KCNU1: variants seen among roughly 807,000 people sequenced by gnomAD.
KCNU1 encodes potassium calcium-activated channel subfamily U member 1.
In KCNU1, 93 loss-of-function variants were observed where a neutral mutation model predicts 126.8. That is an observed-to-expected ratio of 0.73 (90% CI 0.62 to 0.87). KCNU1 has a LOEUF of 0.87. Ranked by LOEUF, KCNU1 falls within the 40% of genes least tolerant of loss-of-function variation. KCNU1 has a pLI of 0.00. For synonymous variants in KCNU1, 523 were observed against 494.2 expected (o/e 1.06, Z -0.77); for missense variants, 1,330 against 1,367.1 (o/e 0.97, Z 0.43).
chr8:36,787,856 CTAAT>C (rs200606580), intron 2 of KCNU1, among the ~76,000 whole-genome samples: 2 of 146,622 alleles, frequency 1.4e-5, no homozygotes, highest in East Asian at 2.0e-4. Context: ...TATATATTGA[CTAAT>C]TATATATTTA....
Position 36,815,573 on chromosome 8 carries a change from T to TTTATTTTGCTGATCAATTTTAGATA in KCNU1, c.904-16_912dup, listed in dbSNP as rs747421134. ...CCATCAAAATAATGAGAACTAAGGT[T>TTTATTTTGCTGATCAATTTTAGATA]TTATTTTGCTGATCAATTTTAGATA... On this transcript the variant is annotated intron_variant, in intron 8 of 26. Coordinates refer to ENST00000399881, the MANE Select transcript of KCNU1 (RefSeq NM_001031836.3). The TTTATTTTGCTGATCAATTTTAGATA allele has an allele frequency of 2.3e-6, 3 of 1,285,402 alleles. No homozygotes were observed. The African/African-American group carries it at 4.5e-5, about 19-fold the overall frequency. The allele number at this position is 1,285,402 out of a possible 1,614,324, so 79.6% of individuals were successfully genotyped here.
intron 7 of KCNU1, among the ~76,000 whole-genome samples, chr8:36,809,109 A>T (rs1803614574): frequency 6.6e-6 from 1 of 152,188 alleles, no homozygotes; most frequent in South Asian, 2.1e-4. Flanking sequence ...TTAAAAAAAG[A>T]TTAAAAAGTG....
rs920863926 is a variant in KCNU1, at chr8:36,874,099, G to T, written c.2009+9578G>T. Among the ~76,000 whole-genome samples the T allele has an allele frequency of 7.2e-5, 11 of 152,160 alleles. No homozygotes were observed. In the East Asian group the frequency reaches 2.1e-3, roughly 30 times the overall value. On this transcript the variant is annotated intron_variant, in intron 19 of 26. Coordinates refer to ENST00000399881, the MANE Select transcript of KCNU1 (RefSeq NM_001031836.3). ...CCCTAGATCTTTTCTGCTGCCAAAT[G>T]AAAAGGAACAGATATTTTACTTATT... is the stretch of plus-strand genomic sequence containing the variant.
chr8:36,885,066 A>AATAT (rs1806642836), intron 19 of KCNU1, among the ~76,000 whole-genome samples: 1 of 152,220 alleles, frequency 6.6e-6, no homozygotes, highest in Non-Finnish European at 1.5e-5. Flanking sequence ...AACTAGTAGG[A>AATAT]ATATTTACAT....
At chr8:36,880,324 C>G (rs1050757956) in intron 19 of KCNU1, among the ~76,000 whole-genome samples, 4 of 152,124 alleles carry the variant, frequency 2.6e-5, no homozygotes, top group Non-Finnish European at 4.4e-5. Context: ...TGAAAGATGA[C>G]TTACTGTAAA....
At chr8:36,855,744 C>T (rs1805506088) in intron 18 of KCNU1, among the ~76,000 whole-genome samples, 2 of 151,870 alleles carry the variant, frequency 1.3e-5, no homozygotes, top group Admixed American at 1.3e-4. Flanking sequence ...TATCTCGTGT[C>T]CTTCCTCTAC....
In KCNU1 at chr8:36,854,881, A is replaced by G. The variant is rs567899018; in HGVS notation, c.1891+8982A>G. Among the ~76,000 whole-genome samples, 16 of 152,280 alleles carry G rather than the reference A, an allele frequency of 1.1e-4. 4 individuals are homozygous for G. The highest frequency in any genetic ancestry group is 3.8e-4 in the African/African-American group (16 of 41,560). ...CAGATTCTCCAGTAGACTTTCCCAA[A>G]GTCTATCTCTCTGTCATTTGTGGCC... On this transcript the variant is annotated intron_variant, in intron 18 of 26. Coordinates refer to ENST00000399881, the MANE Select transcript of KCNU1 (RefSeq NM_001031836.3).
chr8:36,886,322 T>G (rs545071727), intron 19 of KCNU1, among the ~76,000 whole-genome samples: 1 of 152,198 alleles, frequency 6.6e-6, no homozygotes, highest in Non-Finnish European at 1.5e-5. Flanking sequence ...CATATCCTAT[T>G]GTAAAACAAA....
At chr8:36,890,505 A>G (rs1431153574) in intron 19 of KCNU1, among the ~76,000 whole-genome samples, 8 of 152,008 alleles carry the variant, frequency 5.3e-5, no homozygotes, top group African/African-American at 1.9e-4. Flanking sequence ...TTAAAAAAAT[A>G]TATATAAGTG....
chr8:36,865,487 T>C (rs529522757), intron 19 of KCNU1, among the ~76,000 whole-genome samples: 2 of 151,932 alleles, frequency 1.3e-5, no homozygotes, highest in African/African-American at 4.8e-5. Flanking sequence ...GGGATAGGGC[T>C]GGGCATAGCA....
At chr8:36,799,587 T>C (rs909559329) in intron 2 of KCNU1, among the ~76,000 whole-genome samples, 2 of 151,910 alleles carry the variant, frequency 1.3e-5, no homozygotes, top group Admixed American at 6.6e-5. Flanking sequence ...CAGGCTGGAG[T>C]GCAGTGGTGC....
chr8:36,928,758 G>A (rs1808606891), intron 24 of KCNU1: 1 of 462,068 alleles, frequency 2.2e-6, no homozygotes, highest in East Asian at 3.6e-5. Flanking sequence ...GAGGATATGA[G>A]TCTTATGCAG....
chr8:36,921,659 G>A (rs796501471), intron 23 of KCNU1, among the ~76,000 whole-genome samples: 7 of 97,730 alleles, frequency 7.2e-5, no homozygotes, highest in East Asian at 2.9e-4. Context: ...ATGAAGTGAG[G>A]AAAAAAAAAA....
chr8:36,842,931 T>A (rs1392125404), intron 16 of KCNU1, among the ~76,000 whole-genome samples: 2 of 152,190 alleles, frequency 1.3e-5, no homozygotes, highest in African/African-American at 4.8e-5. Flanking sequence ...CCCAAAGTGC[T>A]GGGATTACAG....
At chr8:36,893,404 A>T (rs566498779) in intron 19 of KCNU1, among the ~76,000 whole-genome samples, 27 of 151,616 alleles carry the variant, frequency 1.8e-4, no homozygotes, top group African/African-American at 6.3e-4. Flanking sequence ...TTATTTTTTT[A>T]AAATGCCTCC....
intron 19 of KCNU1, among the ~76,000 whole-genome samples, chr8:36,903,317 T>C (rs146981543): frequency 1.4e-3 from 206 of 152,222 alleles, no homozygotes; most frequent in African/African-American, 4.4e-3. Context: ...CATTGAATAA[T>C]AAACTGTATT....
chr8:36,933,890 C>T (rs544317933), intron 26 of KCNU1, among the ~76,000 whole-genome samples: 1 of 152,072 alleles, frequency 6.6e-6, no homozygotes, highest in Non-Finnish European at 1.5e-5. Flanking sequence ...ACAGTCATTG[C>T]TGAGAGAAAG....
At chr8:36,921,297 C>A (rs774551824) in intron 23 of KCNU1, among the ~76,000 whole-genome samples, 1 of 152,088 alleles carries the variant, frequency 6.6e-6, no homozygotes. Context: ...AGGATAGGAA[C>A]CTGAGCTCAG....
At chr8:36,836,693 G>T in intron 13 of KCNU1, 100 bp from the exon 14 acceptor site, 1 of 1,024,148 alleles carries the variant, frequency 9.8e-7, no homozygotes, top group Middle Eastern at 2.1e-4. Flanking sequence ...AAGAATATAT[G>T]ATTTCAAGTA....
Sources: gnomAD v4.1 joint callset for allele counts (sites outside exome capture counted in the v4.1 genomes callset) on GRCh38, gnomAD v4.1.1 for gene constraint, MANE v1.5 for transcripts, NCBI Gene and HGNC (gene_info 2026-07-23, HGNC 2026-07-21) for gene names.